The following SUGCT variants were observed in gnomAD, a reference collection of about 807,000 sequenced individuals.
SUGCT encodes the protein succinyl-CoA:glutarate CoA-transferase.
Under a neutral mutation model 55.0 loss-of-function variants are expected in SUGCT, and 41 were observed. That is an observed-to-expected ratio of 0.74 (90% CI 0.58 to 0.97). The LOEUF (loss-of-function observed/expected upper bound fraction) is 0.97. Ranked by LOEUF, SUGCT falls within the 50% of genes least tolerant of loss-of-function variation. SUGCT has a pLI of 0.00. For missense variants in SUGCT, 568 were observed against 547.8 expected, an observed-to-expected ratio of 1.04 and a Z score of -0.37; for synonymous variants, 187 against 200.4, an observed-to-expected ratio of 0.93 and a Z score of 0.56.
the SUGCT span, among the ~76,000 whole-genome samples, chr7:40,942,666 T>C: frequency 6.6e-6 from 1 of 152,190 alleles, no homozygotes; most frequent in African/African-American, 2.4e-5. Context: ...TCCACACTTT[T>C]TGTTTTTTCT....
intron 9 of SUGCT, among the ~76,000 whole-genome samples, chr7:40,420,706 C>T (rs1787261099): frequency 6.6e-6 from 1 of 152,098 alleles, no homozygotes; most frequent in South Asian, 2.1e-4. Context: ...CTTTGTGCTG[C>T]TGTGGTTTAT....
At chr7:40,533,471 T>G (rs2151599944) in intron 12 of SUGCT, among the ~76,000 whole-genome samples, 1 of 152,232 alleles carries the variant, frequency 6.6e-6, no homozygotes, top group East Asian at 1.9e-4. Flanking sequence ...GTTTTTACAG[T>G]TTTGTAGACT....
intron 9 of SUGCT, among the ~76,000 whole-genome samples, chr7:40,407,010 AGTC>A (rs1786406807): frequency 6.6e-6 from 1 of 152,192 alleles, no homozygotes; most frequent in Non-Finnish European, 1.5e-5. Flanking sequence ...TTCGAAATAA[AGTC>A]TACCTTACAA....
At chr7:40,285,492 C>A (rs7782283) in intron 8 of SUGCT, among the ~76,000 whole-genome samples, 1 of 123,116 alleles carries the variant, frequency 8.1e-6, no homozygotes, top group African/African-American at 3.2e-5. Context: ...TTTCTTTTTT[C>A]GGGGGGGGGC....
intron 13 of SUGCT, among the ~76,000 whole-genome samples, chr7:40,823,007 G>T (rs1417967701): frequency 6.6e-6 from 1 of 152,080 alleles, no homozygotes; most frequent in Non-Finnish European, 1.5e-5. Flanking sequence ...TATTTATTTT[G>T]CTGCAAGGAA....
At chr7:40,403,475 G>T (rs1200198163) in intron 9 of SUGCT, among the ~76,000 whole-genome samples, 4 of 152,130 alleles carry the variant, frequency 2.6e-5, no homozygotes, top group Non-Finnish European at 5.9e-5. Flanking sequence ...AAGCCTAAAG[G>T]GGCAGGGGAG....
chr7:40,785,245 T>C (rs1336579378), intron 13 of SUGCT: 2 of 152,246 alleles, frequency 1.3e-5, no homozygotes, highest in Non-Finnish European at 2.9e-5. Flanking sequence ...ATTAACTTGA[T>C]CTGCCTACCT....
At chr7:40,478,177 A>T (rs1790811390) in intron 11 of SUGCT, among the ~76,000 whole-genome samples, 2 of 151,144 alleles carry the variant, frequency 1.3e-5, no homozygotes, top group Non-Finnish European at 3.0e-5. Flanking sequence ...AATTTTTTAA[A>T]TTTTTTTTTC....
chr7:40,206,977 T>A (rs1787010739), intron 6 of SUGCT, among the ~76,000 whole-genome samples: 1 of 151,928 alleles, frequency 6.6e-6, no homozygotes, highest in Non-Finnish European at 1.5e-5. Context: ...GGCAGGAGGA[T>A]TGCTTGAGCC....
intron 8 of SUGCT, among the ~76,000 whole-genome samples, chr7:40,279,355 G>T (rs1792793902): frequency 6.6e-6 from 1 of 152,108 alleles, no homozygotes; most frequent in African/African-American, 2.4e-5. Flanking sequence ...TACTAGCGAT[G>T]GGGTTAACTC....
At chr7:40,593,841 AAAC>A (rs1021212103) in intron 12 of SUGCT, among the ~76,000 whole-genome samples, 2 of 152,234 alleles carry the variant, frequency 1.3e-5, no homozygotes, top group Admixed American at 6.5e-5. Flanking sequence ...TCTGTCTCAC[AAAC>A]AACAACAACA....
chr7:40,608,477 T>C (rs975294147), intron 12 of SUGCT, among the ~76,000 whole-genome samples: 2 of 152,222 alleles, frequency 1.3e-5, no homozygotes. Context: ...ACACATGATA[T>C]TTTGTTACAT....
chr7:40,499,876 G>T (rs909359153), intron 12 of SUGCT, among the ~76,000 whole-genome samples: 29 of 152,256 alleles, frequency 1.9e-4, no homozygotes, highest in Admixed American at 9.8e-4. Context: ...GATGACCTCA[G>T]TATGGTCCTA....
chr7:40,950,365 A>T, the SUGCT span, among the ~76,000 whole-genome samples: 1 of 152,114 alleles, frequency 6.6e-6, no homozygotes, highest in Non-Finnish European at 1.5e-5. Context: ...GGCTGAGACG[A>T]TGGGGTTTTC....
intron 13 of SUGCT, among the ~76,000 whole-genome samples, chr7:40,831,844 C>T (rs994515709): frequency 6.6e-6 from 1 of 152,162 alleles, no homozygotes; most frequent in Non-Finnish European, 1.5e-5. Flanking sequence ...TGAAGGCTAC[C>T]AGGCATATTA....
chr7:40,483,932 G>A (rs73122141), intron 11 of SUGCT, among the ~76,000 whole-genome samples: 15,731 of 152,212 alleles, frequency 0.1, 1,098 homozygotes, highest in Middle Eastern at 0.19. Context: ...CTGAAAATGT[G>A]TCTAGTTTCT....
chr7:41,024,895 A>G, the SUGCT span, among the ~76,000 whole-genome samples: 3 of 152,208 alleles, frequency 2.0e-5, no homozygotes, highest in Non-Finnish European at 4.4e-5. Flanking sequence ...TTCGTTAAAA[A>G]ATAGCAAACA....
chr7:40,448,355 A>G (rs966784080), intron 9 of SUGCT, among the ~76,000 whole-genome samples: 9 of 151,704 alleles, frequency 5.9e-5, no homozygotes, highest in Non-Finnish European at 2.9e-5. Context: ...TTTTTGCCCT[A>G]CAGGGAAAAA....
chr7:40,479,499 A>G (rs1170682524), intron 11 of SUGCT, among the ~76,000 whole-genome samples: 3 of 152,090 alleles, frequency 2.0e-5, no homozygotes, highest in Non-Finnish European at 4.4e-5. Context: ...TATATGATGA[A>G]TTACTTAGCA....
Sources: gnomAD v4.1 joint callset for allele counts (sites outside exome capture counted in the v4.1 genomes callset) on GRCh38, gnomAD v4.1.1 for gene constraint, MANE v1.5 for transcripts, NCBI Gene and HGNC (gene_info 2026-07-23, HGNC 2026-07-21) for gene names.